The following FGD5 variants were observed in gnomAD, a reference collection of about 807,000 sequenced individuals.
FGD5 encodes FYVE, RhoGEF and PH domain-containing protein 5.
A neutral mutation model predicts 133.4 loss-of-function variants in FGD5; 28 were observed. That is an observed-to-expected ratio of 0.21 (90% CI 0.16 to 0.29). The LOEUF (loss-of-function observed/expected upper bound fraction) is 0.29. Among genes scored for constraint, FGD5 ranks in the 10% least tolerant of loss-of-function variants. FGD5 has a pLI of 1.00. For missense variants in FGD5, 1,858 were observed against 1,895.2 expected (o/e 0.98, Z 0.36); for synonymous variants, 810 against 776.5 (o/e 1.04, Z -0.72).
At chr3:14,897,748 A>G in intron 5 of FGD5, 79 bp downstream of exon 5, 1 of 1,485,904 alleles carries the variant, frequency 6.7e-7, no homozygotes. Flanking sequence ...CACCATATGA[A>G]ATAGTATCTC....
chr3:14,867,698 T>G (rs2037523155), intron 2 of FGD5, among the ~76,000 whole-genome samples: 1 of 151,354 alleles, frequency 6.6e-6, no homozygotes. Flanking sequence ...AGGAAGATTT[T>G]TGGTAGGGTG....
At chr3:14,869,483 A>G (rs2037563419) in intron 2 of FGD5, among the ~76,000 whole-genome samples, 1 of 152,232 alleles carries the variant, frequency 6.6e-6, no homozygotes, top group Admixed American at 6.5e-5. Flanking sequence ...TTAAGTGTGC[A>G]GTGCAGTAGC....
In FGD5 at chr3:14,864,213, T is replaced by C. The variant is rs1285393122; in HGVS notation, c.2611T>C (p.Ser871Pro). 1.2e-6 allele frequency: 2 copies of C among 1,613,894 alleles called. No homozygotes were observed. The highest frequency in any genetic ancestry group is 1.7e-6 in the Non-Finnish European group (2 of 1,179,862). ...TACGTCGGATGAAGAGCAGAGAAGC[T>C]CGGAGGAGGAGGACAGTGCTTCAAG... ...DLTSDEEQRSSEEEDSASRDP... is the reference protein window; with the variant it reads ...DLTSDEEQRSPEEEDSASRDP... The change falls in exon 2 of 20, where the codon TCG (serine) becomes CCG (proline). Residue 871 changes from serine to proline, a missense_variant. Physicochemically the swap from Ser to Pro is moderately conservative, Grantham distance 74. Coordinates refer to ENST00000285046, the MANE Select transcript of FGD5 (RefSeq NM_152536.4).
At chr3:14,832,536 T>C (rs1402100474) in intron 1 of FGD5, among the ~76,000 whole-genome samples, 1 of 152,184 alleles carries the variant, frequency 6.6e-6, no homozygotes, top group Admixed American at 6.5e-5. Flanking sequence ...TGTGCCTCAT[T>C]GTGTGCAATT....
At chr3:14,914,717 C>A (rs1019425909) in intron 11 of FGD5, among the ~76,000 whole-genome samples, 1 of 152,194 alleles carries the variant, frequency 6.6e-6, no homozygotes, top group Non-Finnish European at 1.5e-5. Flanking sequence ...CAAGCCATAC[C>A]CCTGGCTCCA....
At chr3:14,860,839 A>G (rs2037383757) in intron 1 of FGD5, among the ~76,000 whole-genome samples, 2 of 151,548 alleles carry the variant, frequency 1.3e-5, no homozygotes, top group Non-Finnish European at 2.9e-5. Context: ...TTAGCTGAAC[A>G]TGGTGGTGTG....
chr3:14,910,713 C>G, intron 10 of FGD5, 148 bp from the exon 11 acceptor site: 1 of 652,494 alleles, frequency 1.5e-6, no homozygotes, highest in Non-Finnish European at 2.6e-6. Flanking sequence ...CTCTGGGAGG[C>G]TTTATGATTT....
chr3:14,829,653 G>T (rs2036668738), intron 1 of FGD5, among the ~76,000 whole-genome samples: 1 of 152,136 alleles, frequency 6.6e-6, no homozygotes, highest in African/African-American at 2.4e-5. Flanking sequence ...AAAAGACATA[G>T]CAAGAAATAA....
Position 14,820,183 on chromosome 3 carries a change from G to C in FGD5, c.1112G>C (p.Gly371Ala), listed in dbSNP as rs1559466996. The C allele has an allele frequency of 5.6e-6, 9 of 1,613,554 alleles. No individual in the cohort carries two copies. Among genetic ancestry groups the C allele is most frequent in the South Asian group, 1.1e-5 (1 of 91,070 alleles). The change falls in exon 1 of 20, where the codon GGT (glycine) becomes GCT (alanine). Residue 371 changes from glycine to alanine, a missense_variant. By Grantham distance (60) the Gly-to-Ala change is moderately conservative. Coordinates refer to ENST00000285046, the MANE Select transcript of FGD5 (RefSeq NM_152536.4). Reference sequence around the variant, plus strand: ...TCTCCTCTTTCTGAATCAGCGAAAGGTTTAGAATCAGAGCAGGCACCAAAG... The same window carrying C: ...TCTCCTCTTTCTGAATCAGCGAAAGCTTTAGAATCAGAGCAGGCACCAAAG... ...SCSPLSESAK[G>A]LESEQAPKLG...
intron 4 of FGD5, among the ~76,000 whole-genome samples, chr3:14,895,848 G>A (rs2038125790): frequency 6.6e-6 from 1 of 151,984 alleles, no homozygotes; most frequent in African/African-American, 2.4e-5. Context: ...TTAAAGTGCT[G>A]ATATAAAAGC....
chr3:14,901,691 T>C (rs2038242142), intron 9 of FGD5, among the ~76,000 whole-genome samples: 1 of 152,210 alleles, frequency 6.6e-6, no homozygotes, highest in South Asian at 2.1e-4. Context: ...TCACATCTTC[T>C]GCAGGCACAG....
chr3:14,836,137 A>G (rs1366962118), intron 1 of FGD5, among the ~76,000 whole-genome samples: 2 of 152,214 alleles, frequency 1.3e-5, no homozygotes, highest in African/African-American at 4.8e-5. Flanking sequence ...TGGTGAGAGC[A>G]CGGAGACCCT....
chr3:14,866,333 CAG>C lies in FGD5; in HGVS notation c.2658+2076_2658+2077del, dbSNP rs759155115. Among the ~76,000 whole-genome samples the C allele has an allele frequency of 1.6e-3, 238 of 152,224 alleles. 4 individuals carry two copies. Among genetic ancestry groups the C allele is most frequent in the Non-Finnish European group, 4.1e-4 (28 of 68,028 alleles). On this transcript the variant is annotated intron_variant, in intron 2 of 19. Coordinates refer to ENST00000285046, the MANE Select transcript of FGD5 (RefSeq NM_152536.4). ...ATCTGTTGTTTCTGAATCCTTGAGA[CAG>C]AGGGGGAGTATGGAAAGAGAGGGCC...
chr3:14,821,679 G>T (rs2036507281), intron 1 of FGD5, 83 bp downstream of exon 1: 2 of 1,438,976 alleles, frequency 1.4e-6, no homozygotes. Context: ...AGATGGACTT[G>T]CTTTCCAGCC....
At chr3:14,861,146 CCACG>C (rs1249665157) in intron 1 of FGD5, among the ~76,000 whole-genome samples, 1 of 152,134 alleles carries the variant, frequency 6.6e-6, no homozygotes, top group Non-Finnish European at 1.5e-5. Context: ...GCAGCAACGG[CCACG>C]CTGAAGACGG....
chr3:14,860,822 T>A (rs1192274713), intron 1 of FGD5, among the ~76,000 whole-genome samples: 1 of 148,670 alleles, frequency 6.7e-6, no homozygotes, highest in East Asian at 2.1e-4. Flanking sequence ...AAAAAAAAAT[T>A]TAAAAATTAG....
chr3:14,843,555 G>C (rs879644510), intron 1 of FGD5, among the ~76,000 whole-genome samples: 2 of 151,932 alleles, frequency 1.3e-5, no homozygotes, highest in Non-Finnish European at 2.9e-5. Flanking sequence ...TGCCAGGTGG[G>C]CTCTCACTGT....
At chr3:14,855,390 A>G (rs530011775) in intron 1 of FGD5, among the ~76,000 whole-genome samples, 2 of 152,300 alleles carry the variant, frequency 1.3e-5, no homozygotes, top group South Asian at 4.2e-4. Context: ...GGATTGCTGG[A>G]TCACATGGTA....
intron 4 of FGD5, among the ~76,000 whole-genome samples, chr3:14,893,533 AGAC>A (rs1004703913): frequency 2.8e-4 from 42 of 152,178 alleles, no homozygotes; most frequent in Admixed American, 1.7e-3. Flanking sequence ...TTTTTTGTAA[AGAC>A]GGAGTCTCAA....
Sources: allele counts gnomAD v4.1 joint callset (sites outside exome capture counted in the v4.1 genomes callset), GRCh38; gene constraint gnomAD v4.1.1; transcripts MANE v1.5; gene names NCBI Gene and HGNC (gene_info 2026-07-23, HGNC 2026-07-21).